The following MGAM variants were observed in gnomAD, a reference collection of about 807,000 sequenced individuals.
The protein encoded by MGAM is alpha-1,4-glucosidase.
A neutral mutation model predicts 358.8 loss-of-function variants in MGAM; 253 were observed. That is an observed-to-expected ratio of 0.71 (90% CI 0.64 to 0.78). MGAM has a LOEUF of 0.78. Ranked by LOEUF, MGAM falls within the 30% of genes least tolerant of loss-of-function variation. MGAM has a pLI of 0.00. For missense variants in MGAM, 3,080 were observed against 3,432.6 expected, an observed-to-expected ratio of 0.90 and a Z score of 2.57; for synonymous variants, 1,105 against 1,227.1, an observed-to-expected ratio of 0.90 and a Z score of 2.08.
At chr7:142,082,708 G>T (rs141790549) in intron 52 of MGAM, 137 bp downstream of exon 52, 2 of 730,686 alleles carry the variant, frequency 2.7e-6, no homozygotes, top group African/African-American at 3.5e-5. Flanking sequence ...TTTTCTTTGT[G>T]TTTAGCCTTT....
chr7:142,040,166 G>C lies in MGAM; in HGVS notation c.2368G>C (p.Glu790Gln). 6.2e-7 allele frequency: 1 copy of C among 1,610,608 alleles called. No individual in the cohort carries two copies. The highest frequency in any genetic ancestry group is 1.1e-5 in the South Asian group (1 of 90,706). Residue 790 changes from glutamate to glutamine, a missense_variant, in exon 20 of 71, where the codon GAG becomes CAG. Physicochemically the swap from Glu to Gln is conservative, Grantham distance 29. Transcript: ENST00000475668. ...GCCTGATGCTGTCTGGTATGACTAC[G>C]AGACTGTAAGTAGCTTTGACTTTTC... is the stretch of plus-strand genomic sequence containing the variant. ...YVPDAVWYDY[E>Q]TGSQVRWRKQ...
chr7:142,104,635 C>T (rs180900081), intron 70 of MGAM, among the ~76,000 whole-genome samples: 11 of 152,270 alleles, frequency 7.2e-5, no homozygotes, highest in African/African-American at 2.6e-4. Flanking sequence ...ATGTTTTCAG[C>T]CCATCCATTC....
rs1812846777 is a variant in MGAM at position 142,067,262 on chromosome 7, C to G, written c.4920-79C>G. ...GGGCAGCTGTATTTCCGACTTGGATCTGAACTTGAGGAGCTTCTTCAGAGT... is the reference window on the plus strand; with the variant it reads ...GGGCAGCTGTATTTCCGACTTGGATGTGAACTTGAGGAGCTTCTTCAGAGT... On this transcript the variant is annotated intron_variant, in intron 41 of 70. Transcript: ENST00000475668. 65 of 1,121,856 alleles carry G rather than the reference C, an allele frequency of 5.8e-5. 6 individuals are homozygous for G. In the South Asian group the frequency reaches 8.1e-4, roughly 14 times the overall value. The allele number at this position is 1,121,856 out of a possible 1,614,324, so 69.5% of individuals were successfully genotyped here. A position where few individuals can be genotyped will look rare whatever the true frequency, so the allele number is the denominator to read the frequency against.
At chr7:142,049,941 C>T (rs1406369563) in intron 22 of MGAM, among the ~76,000 whole-genome samples, 1 of 152,164 alleles carries the variant, frequency 6.6e-6, no homozygotes. Context: ...AATCCCACTT[C>T]TGGGTGTATA....
chr7:142,042,009 A>ATACATATAAT (rs796671101), intron 21 of MGAM, among the ~76,000 whole-genome samples: 1 of 16,124 alleles, frequency 6.2e-5, no homozygotes, highest in African/African-American at 1.7e-4. Context: ...TTATATATAT[A>ATACATATAAT]ATATAATATA....
intron 67 of MGAM, 133 bp from the exon 68 acceptor site, chr7:142,100,669 G>A: frequency 2.6e-6 from 2 of 758,676 alleles, no homozygotes; most frequent in South Asian, 3.0e-5. Flanking sequence ...TAAGACACAA[G>A]TCTCTTGAAT....
intron 68 of MGAM, among the ~76,000 whole-genome samples, chr7:142,101,672 G>A (rs898933196): frequency 1.3e-5 from 2 of 151,586 alleles, no homozygotes; most frequent in Admixed American, 6.6e-5. Flanking sequence ...TTGAGAGGCC[G>A]AGGCAGCCGG....
intron 35 of MGAM, 145 bp downstream of exon 35, chr7:142,062,847 AG>A: frequency 1.4e-6 from 2 of 1,409,082 alleles, no homozygotes; most frequent in Non-Finnish European, 1.9e-6. Context: ...CTCTCAGGAG[AG>A]GAACTGCCCT....
At chr7:141,997,123 G>A (rs1472567055) in intron 1 of MGAM, among the ~76,000 whole-genome samples, 2 of 152,264 alleles carry the variant, frequency 1.3e-5, no homozygotes, top group South Asian at 2.1e-4. Flanking sequence ...AGTTACTCTT[G>A]GGGAAAGAGA....
Position 142,036,815 on chromosome 7 carries a change from C to A in MGAM, c.2077-8C>A, listed in dbSNP as rs890077538. 7.4e-6 allele frequency: 12 copies of A among 1,612,560 alleles called. No individual in the cohort carries two copies. The highest frequency in any genetic ancestry group is 1.0e-5 in the Non-Finnish European group (12 of 1,179,164). On this transcript the variant is annotated splice_polypyrimidine_tract_variant and splice_region_variant and intron_variant, in intron 17 of 70. Coordinates refer to ENST00000475668, the MANE Select transcript of MGAM (RefSeq NM_001365693.1). Reference sequence around the variant, plus strand: ...AAACCACAACTGCAAACTCCTATTTCCTCCCAGGACCAGGATCCTGCCTCC... The same window carrying A: ...AAACCACAACTGCAAACTCCTATTTACTCCCAGGACCAGGATCCTGCCTCC...
chr7:142,043,916 T>C (rs1248826014), intron 21 of MGAM, among the ~76,000 whole-genome samples: 10 of 123,674 alleles, frequency 8.1e-5, no homozygotes, highest in African/African-American at 3.3e-4. Context: ...ATACGACGTA[T>C]AATATATACA....
chr7:142,076,530 A>G, intron 46 of MGAM, 129 bp from the exon 47 acceptor site: 1 of 934,804 alleles, frequency 1.1e-6, no homozygotes, highest in Non-Finnish European at 1.7e-6. Context: ...AGCAGACACT[A>G]GTAGAGAAAG....
rs1311108480 is a variant in MGAM, at chr7:142,093,530, C to A, written c.7152C>A (p.Ser2384=). The change falls in exon 60 of 71, where the codon TCC becomes TCA. Residue 2384 remains serine, a synonymous_variant. Transcript: ENST00000475668. The part of the protein sequence containing the change: ...HYNVHNLYGW[S]QTRPTYEAVQ... ...ATGTGCACAACCTGTACGGGTGGTC[C>A]CAGACCAGACCCACATACGAGTGAG... is the stretch of plus-strand genomic sequence containing the variant. 6.7e-7 allele frequency: 1 copy of A among 1,501,844 alleles called. No homozygotes were observed. The highest frequency in any genetic ancestry group is 2.5e-5 in the East Asian group (1 of 40,556). The allele number at this position is 1,501,844 out of a possible 1,614,324, so 93.0% of individuals were successfully genotyped here.
At chr7:142,100,207 A>G (rs1299215822) in intron 67 of MGAM, among the ~76,000 whole-genome samples, 6 of 152,214 alleles carry the variant, frequency 3.9e-5, no homozygotes, top group Non-Finnish European at 8.8e-5. Flanking sequence ...GGGCATTTCC[A>G]TGTGGAAATT....
In MGAM at chr7:142,006,329, A is replaced by G. The variant is rs533561759; in HGVS notation, c.127+672A>G. ...AAAATTGCCCTTGTTTGATGATGAAATTAGCAGGAGCTTTGTGGTGGTGGA... is the reference window on the plus strand; with the variant it reads ...AAAATTGCCCTTGTTTGATGATGAAGTTAGCAGGAGCTTTGTGGTGGTGGA... On this transcript the variant is annotated intron_variant, in intron 2 of 70. Transcript: ENST00000475668. Among the ~76,000 whole-genome samples the G allele has an allele frequency of 4.6e-5, 7 of 152,248 alleles. No individual in the cohort carries two copies. The South Asian group carries it at 1.4e-3, about 32-fold the overall frequency.
chr7:142,050,343 C>T, intron 23 of MGAM, 59 bp downstream of exon 23: 1 of 1,521,716 alleles, frequency 6.6e-7, no homozygotes, highest in African/African-American at 1.4e-5. Context: ...ATTAGCACAT[C>T]TGTGCTTGTG....
chr7:142,018,663 G>A (rs540225088), intron 3 of MGAM, among the ~76,000 whole-genome samples: 1 of 152,276 alleles, frequency 6.6e-6, no homozygotes, highest in South Asian at 2.1e-4. Flanking sequence ...GAATCTATTT[G>A]GGTGTCAAGA....
intron 2 of MGAM, among the ~76,000 whole-genome samples, chr7:142,006,762 C>T (rs1362667982): frequency 1.3e-5 from 2 of 152,104 alleles, no homozygotes; most frequent in African/African-American, 4.8e-5. Flanking sequence ...GTGTGCTCAA[C>T]TTTCATTTTT....
At chr7:142,031,497 T>A (rs782509971) in intron 12 of MGAM, among the ~76,000 whole-genome samples, 183 bp from the exon 13 acceptor site, 15 of 152,188 alleles carry the variant, frequency 9.9e-5, no homozygotes, top group Non-Finnish European at 2.1e-4. Flanking sequence ...AATGCATATT[T>A]CTTCGAGTGA....
Sources: allele counts gnomAD v4.1 joint callset (sites outside exome capture counted in the v4.1 genomes callset), GRCh38; gene constraint gnomAD v4.1.1; transcripts MANE v1.5; gene names NCBI Gene and HGNC (gene_info 2026-07-23, HGNC 2026-07-21).